TNR: variants seen among roughly 807,000 people sequenced by gnomAD.
The protein encoded by TNR is tenascin-R.
Under a neutral mutation model 150.4 loss-of-function variants are expected in TNR, and 45 were observed. The ratio of observed to expected loss-of-function variants is 0.30; its 90% CI spans 0.24 to 0.38. The LOEUF is 0.38. Ranked by LOEUF, TNR falls within the 10% of genes least tolerant of loss-of-function variation. The probability of loss-of-function intolerance (pLI) is 1.00; values close to 1 mark genes in which losing one functional copy is unlikely to be tolerated. For synonymous variants in TNR, 687 were observed against 678.4 expected (o/e 1.01, Z -0.20); for missense variants, 1,544 against 1,759.1 (o/e 0.88, Z 2.19).
At chr1:175,503,080 G>A (rs771889650) in intron 2 of TNR, among the ~76,000 whole-genome samples, 3 of 151,558 alleles carry the variant, frequency 2.0e-5, no homozygotes, top group South Asian at 2.1e-4. Context: ...AGGATGCCCC[G>A]CCGCAGTGGC....
At chr1:175,398,775 C>T (rs1273931984) in intron 4 of TNR, among the ~76,000 whole-genome samples, 2 of 152,220 alleles carry the variant, frequency 1.3e-5, no homozygotes, top group African/African-American at 2.4e-5. Context: ...AGCCAATATA[C>T]AATACCACTT....
chr1:175,603,807 C>T (rs1394214548), intron 1 of TNR, among the ~76,000 whole-genome samples: 2 of 152,220 alleles, frequency 1.3e-5, no homozygotes, highest in East Asian at 3.9e-4. Flanking sequence ...CCTCTCACTG[C>T]CTCTTGTGTG....
chr1:175,615,558 C>A (rs1270061323), intron 1 of TNR, among the ~76,000 whole-genome samples: 2 of 152,210 alleles, frequency 1.3e-5, no homozygotes, highest in African/African-American at 4.8e-5. Context: ...TTCGAGGTCA[C>A]AGAGCCTATG....
At chr1:175,653,661 G>T (rs1257531583) in intron 1 of TNR, among the ~76,000 whole-genome samples, 1 of 152,160 alleles carries the variant, frequency 6.6e-6, no homozygotes, top group South Asian at 2.1e-4. Context: ...TTATAGGAAA[G>T]AAAAGCCAAG....
rs191773058 is a variant in TNR, at chr1:175,653,221, G to T, written c.-165+90005C>A. On this transcript the variant is annotated intron_variant, in intron 1 of 22. Coordinates refer to ENST00000367674, the MANE Select transcript of TNR (RefSeq NM_003285.3). ...GAGGGCATTTGCCATAGCTTTGTTT[G>T]TGGCAGCTGGAAGTTGGAGTCAATC... 6.8e-4 allele frequency among the ~76,000 whole-genome samples: 103 copies of T among 152,316 alleles called. 2 individuals carry two copies. The highest frequency in any genetic ancestry group is 1.8e-3 in the Admixed American group (27 of 15,304).
intron 22 of TNR, 109 bp downstream of exon 22, chr1:175,324,247 C>G: frequency 1.6e-6 from 2 of 1,221,364 alleles, no homozygotes; most frequent in Non-Finnish European, 1.1e-6. Flanking sequence ...CAAAATATTT[C>G]TTTTTAAAGG....
intron 9 of TNR, among the ~76,000 whole-genome samples, chr1:175,368,353 G>C (rs1020464432): frequency 6.6e-5 from 10 of 152,172 alleles, no homozygotes; most frequent in African/African-American, 2.4e-4. Flanking sequence ...TATCTTCAAA[G>C]CCAGAAGCTT....
chr1:175,576,913 G>A (rs1662137357), intron 1 of TNR, among the ~76,000 whole-genome samples: 1 of 152,074 alleles, frequency 6.6e-6, no homozygotes, highest in African/African-American at 2.4e-5. Context: ...TATGATAATT[G>A]AGATGCATGT....
intron 1 of TNR, among the ~76,000 whole-genome samples, chr1:175,698,175 T>C (rs1666586920): frequency 6.6e-6 from 1 of 152,148 alleles, no homozygotes; most frequent in South Asian, 2.1e-4. Flanking sequence ...GCACTTACAA[T>C]CTAGGTTAGG....
At chr1:175,332,103 C>A (rs1301490628) in intron 20 of TNR, among the ~76,000 whole-genome samples, 2 of 152,204 alleles carry the variant, frequency 1.3e-5, no homozygotes, top group East Asian at 3.9e-4. Flanking sequence ...CAAGTGTTGG[C>A]TGTTAGCAAC....
chr1:175,422,620 T>A (rs926842442), intron 2 of TNR, among the ~76,000 whole-genome samples: 5 of 152,234 alleles, frequency 3.3e-5, no homozygotes, highest in African/African-American at 1.2e-4. Context: ...CTACCCACTT[T>A]GCAGCCTCTC....
chr1:175,593,733 T>C (rs530784615), intron 1 of TNR, among the ~76,000 whole-genome samples: 17 of 152,290 alleles, frequency 1.1e-4, no homozygotes, highest in South Asian at 2.1e-4. Context: ...TCTTCTATTG[T>C]CTGCACAGAG....
chr1:175,416,880 C>A (rs944423133), intron 2 of TNR, among the ~76,000 whole-genome samples: 53 of 152,076 alleles, frequency 3.5e-4, no homozygotes, highest in African/African-American at 1.3e-3. Flanking sequence ...TGGTGGCAGG[C>A]GCCTGTAGTC....
chr1:175,424,229 C>T (rs578055118), intron 2 of TNR, among the ~76,000 whole-genome samples: 19 of 152,286 alleles, frequency 1.2e-4, no homozygotes, highest in African/African-American at 3.6e-4. Context: ...GACTGTGCCC[C>T]AACTCGGGCA....
chr1:175,510,599 C>T (rs528831569), intron 2 of TNR, among the ~76,000 whole-genome samples: 2 of 152,256 alleles, frequency 1.3e-5, no homozygotes, highest in South Asian at 4.1e-4. Flanking sequence ...GTCCCTATAA[C>T]TACAAGCTGT....
At position 175,375,837 on chromosome 1, in the gene TNR, A is replaced by C. The variant is rs117410511; in HGVS notation, c.1963+3715T>G. ...AAAATTGAATGGGTATTGAGTGCTT[A>C]CTGTGTGCCAGGCTCCATCCTAAGT... is the stretch of plus-strand genomic sequence containing the variant. On this transcript the variant is annotated intron_variant, in intron 9 of 22. Transcript: ENST00000367674. Among the ~76,000 whole-genome samples the C allele has an allele frequency of 5.8e-4, 88 of 152,318 alleles. 1 individual carries two copies. In the East Asian group the frequency reaches 0.016, roughly 27 times the overall value.
chr1:175,344,637 C>T (rs1650690012), intron 18 of TNR, among the ~76,000 whole-genome samples: 1 of 152,122 alleles, frequency 6.6e-6, no homozygotes, highest in Admixed American at 6.6e-5. Context: ...ATCACCACAT[C>T]CCCAAAGTTG....
At chr1:175,417,987 C>A (rs111294030) in intron 2 of TNR, among the ~76,000 whole-genome samples, 2,004 of 152,240 alleles carry the variant, frequency 0.013, 41 homozygotes, top group African/African-American at 0.043. Flanking sequence ...TCTTTTAGAG[C>A]ATTAAATAGC....
intron 1 of TNR, among the ~76,000 whole-genome samples, chr1:175,536,780 T>C (rs1660309383): frequency 6.6e-6 from 1 of 152,196 alleles, no homozygotes; most frequent in Admixed American, 6.5e-5. Flanking sequence ...GGAAGTGGAA[T>C]TAAGGAATTC....
Sources: gnomAD v4.1 joint callset for allele counts (sites outside exome capture counted in the v4.1 genomes callset) on GRCh38, gnomAD v4.1.1 for gene constraint, MANE v1.5 for transcripts, NCBI Gene and HGNC (gene_info 2026-07-23, HGNC 2026-07-21) for gene names.